The following EXD1 variants were observed in gnomAD, a reference collection of about 807,000 sequenced individuals.
The protein encoded by EXD1 is exonuclease 3'-5' domain containing 1, also known as piRNA biogenesis protein EXD1.
In EXD1, 63 loss-of-function variants were observed where a neutral mutation model predicts 49.1. That is an observed-to-expected ratio of 1.28 (90% CI 1.05 to 1.58). The LOEUF (loss-of-function observed/expected upper bound fraction) is 1.58, where lower values mean the gene tolerates loss of function less well. EXD1 is among the 40% of genes most tolerant of loss of function. The probability of loss-of-function intolerance (pLI) is 0.00; values close to 1 mark genes in which losing one functional copy is unlikely to be tolerated. For synonymous variants in EXD1, 234 were observed against 239.2 expected, an observed-to-expected ratio of 0.98 and a Z score of 0.20; for missense variants, 748 against 666.0, an observed-to-expected ratio of 1.12 and a Z score of -1.36.
intron 9 of EXD1, among the ~76,000 whole-genome samples, chr15:41,194,205 G>T (rs1307251838): frequency 2.6e-5 from 4 of 151,844 alleles, no homozygotes; most frequent in Non-Finnish European, 4.4e-5. Context: ...TAGAGACAGG[G>T]TTTCACCATG....
chr15:41,217,184 A>C (rs765395808), intron 3 of EXD1, 30 bp from the exon 4 acceptor site: 2 of 1,598,940 alleles, frequency 1.3e-6, no homozygotes, highest in Non-Finnish European at 1.7e-6. Flanking sequence ...CTTCCAACAG[A>C]GTTTCCAATC....
rs565156180 is a variant in EXD1, at chr15:41,229,218, C to T, written c.-54+1261G>A. Among the ~76,000 whole-genome samples the T allele has an allele frequency of 6.6e-5, 10 of 152,362 alleles. No individual in the cohort carries two copies. In the South Asian group the frequency reaches 1.7e-3, roughly 25 times the overall value. On this transcript the variant is annotated intron_variant, in intron 1 of 11. Coordinates refer to ENST00000458580, the MANE Select transcript of EXD1 (RefSeq NM_001286441.2). ...TAAGGCCGGGCACGGGGACTCACGCCTGTAATCCCAACACTTTGGGAGGCC... is the reference window on the plus strand; with the variant it reads ...TAAGGCCGGGCACGGGGACTCACGCTTGTAATCCCAACACTTTGGGAGGCC...
chr15:41,209,659 C>A, intron 6 of EXD1, 72 bp from the exon 7 acceptor site: 1 of 1,295,436 alleles, frequency 7.7e-7, no homozygotes, highest in Non-Finnish European at 1.1e-6. Context: ...ATGATTGGCA[C>A]AAATACAATG....
chr15:41,220,142 A>G (rs2047064128), intron 2 of EXD1, among the ~76,000 whole-genome samples: 1 of 152,134 alleles, frequency 6.6e-6, no homozygotes, highest in South Asian at 2.1e-4. Context: ...ACTAAAAAGG[A>G]TAGTACACTG....
At position 41,184,133 on chromosome 15, in the gene EXD1, T is replaced by A; in HGVS notation, c.1517A>T (p.Glu506Val). The A allele has an allele frequency of 6.2e-7, 1 of 1,614,218 alleles. No individual in the cohort carries two copies. The highest frequency in any genetic ancestry group is 2.2e-5 in the East Asian group (1 of 44,888). Residue 506 changes from glutamate (E) to valine (V), a missense_variant, in exon 12 of 12, where the codon GAA becomes GTA. Glu to Val is a moderately radical substitution (Grantham distance 121, BLOSUM62 -2). Coordinates refer to ENST00000458580, the MANE Select transcript of EXD1 (RefSeq NM_001286441.2). Reference protein sequence around the residue: ...QASLSLKEETEQLLMVENKED... With the variant: ...QASLSLKEETVQLLMVENKED... ...CTTGTTTTCCACCATCAATAACTGT[T>A]CTGTCTCCTCTTTCAAAGATAAACT... is the stretch of plus-strand genomic sequence containing the variant.
At chr15:41,219,577 C>A in intron 3 of EXD1, 1 of 361,024 alleles carries the variant, frequency 2.8e-6, no homozygotes, top group South Asian at 7.5e-5. Flanking sequence ...CAATCCCTTC[C>A]TGTTCACATT....
At chr15:41,213,048 T>A (rs183105187) in intron 6 of EXD1, among the ~76,000 whole-genome samples, 24 of 151,130 alleles carry the variant, frequency 1.6e-4, no homozygotes, top group African/African-American at 2.9e-4. Context: ...CTCAAAAAAA[T>A]TTTTTTTAAT....
Position 41,206,954 on chromosome 15 carries a change from T to TA in EXD1, c.534+2546dup, listed in dbSNP as rs1566985525. On this transcript the variant is annotated intron_variant, in intron 7 of 11. Coordinates refer to ENST00000458580, the MANE Select transcript of EXD1 (RefSeq NM_001286441.2). ...CTTTTTTTTTTTTTTTTTTTTTTTT[T>TA]AAGTAGTGCCTCTGCGCCAGGTGTG... Among the ~76,000 whole-genome samples the TA allele has an allele frequency of 1.2e-4, 10 of 83,400 alleles. 1 individual carries two copies. Among genetic ancestry groups the TA allele is most frequent in the Non-Finnish European group, 2.0e-4 (8 of 39,318 alleles). 54.7% of individuals were successfully genotyped at this position (83,400 alleles called of 152,430 possible). A position where few individuals can be genotyped will look rare whatever the true frequency, so the allele number is the denominator to read the frequency against.
At chr15:41,225,163 T>A (rs2047142337) in intron 2 of EXD1, among the ~76,000 whole-genome samples, 1 of 152,204 alleles carries the variant, frequency 6.6e-6, no homozygotes, top group Non-Finnish European at 1.5e-5. Flanking sequence ...ATTGCACTGT[T>A]CTTCAGCTGC....
At chr15:41,190,229 C>G in intron 10 of EXD1, 101 bp from the exon 11 acceptor site, 9 of 1,234,304 alleles carry the variant, frequency 7.3e-6, no homozygotes, top group African/African-American at 1.5e-5. Context: ...AATCCCAGCA[C>G]TCTGGGAGGC....
chr15:41,195,649 C>G, intron 9 of EXD1, 126 bp downstream of exon 9: 1 of 531,022 alleles, frequency 1.9e-6, no homozygotes, highest in Non-Finnish European at 3.0e-6. Context: ...GAAAAGTGAG[C>G]AGAAATGGAG....
chr15:41,199,882 A>G (rs2046700997), intron 7 of EXD1, among the ~76,000 whole-genome samples: 1 of 144,826 alleles, frequency 6.9e-6, no homozygotes, highest in African/African-American at 2.5e-5. Context: ...TATATCATAT[A>G]TATATGATAT....
At chr15:41,197,055 G>A (rs1415341112) in intron 7 of EXD1, among the ~76,000 whole-genome samples, 1 of 151,610 alleles carries the variant, frequency 6.6e-6, no homozygotes. Flanking sequence ...AAACTCCTAG[G>A]CTAAAGCAAT....
intron 7 of EXD1, among the ~76,000 whole-genome samples, chr15:41,196,846 G>T (rs1274300223): frequency 6.6e-6 from 1 of 151,768 alleles, no homozygotes; most frequent in African/African-American, 2.4e-5. Flanking sequence ...TTTTTTTTGA[G>T]ACAGGGCCTT....
chr15:41,204,139 T>C (rs2046781092), intron 7 of EXD1, among the ~76,000 whole-genome samples: 1 of 149,546 alleles, frequency 6.7e-6, no homozygotes, highest in African/African-American at 2.5e-5. Flanking sequence ...TCCCAGCTAC[T>C]CGGGAGGCTG....
At chr15:41,184,655 T>C in intron 11 of EXD1, 62 bp from the exon 12 acceptor site, 1 of 1,309,558 alleles carries the variant, frequency 7.6e-7, no homozygotes. Flanking sequence ...GTACTTAAAA[T>C]CACTTTTTTT....
At chr15:41,204,225 G>A (rs2140863986) in intron 7 of EXD1, among the ~76,000 whole-genome samples, 1 of 141,992 alleles carries the variant, frequency 7.0e-6, no homozygotes, top group Middle Eastern at 4.4e-3. Flanking sequence ...CCCAGCCTGG[G>A]CGACACAGCA....
In EXD1 at chr15:41,199,755, G is replaced by A. The variant is rs1404043797; in HGVS notation, c.535-3718C>T. ...GATATATATGTCATATATTATATAT[G>A]ATACATATATGATATATATGTCATA... On this transcript the variant is annotated intron_variant, in intron 7 of 11. Transcript: ENST00000458580. Among the ~76,000 whole-genome samples, 12 of 8,938 alleles carry A rather than the reference G, an allele frequency of 1.3e-3. 2 individuals carry two copies. Among genetic ancestry groups the A allele is most frequent in the South Asian group, 9.6e-3 (2 of 208 alleles). The allele number at this position is 8,938 out of a possible 152,430, so 5.9% of individuals were successfully genotyped here.
At position 41,209,552 on chromosome 15, in the gene EXD1, C is replaced by G. The variant is rs1183816700; in HGVS notation, c.483G>C (p.Val161=). The G allele has an allele frequency of 1.2e-6, 2 of 1,614,172 alleles. No homozygotes were observed. The highest frequency in any genetic ancestry group is 1.7e-6 in the Non-Finnish European group (2 of 1,180,014). The change falls in exon 7 of 12, where the codon GTG becomes GTC. Residue 161 remains valine (V), a synonymous_variant. Transcript: ENST00000458580. ...GACATACATTCGCTCCTTCTGCTGC[C>G]ACACTCAGGACATTCTGCTTCTTGA... ...LHIKKQNVLS[V]AAEGANVCRH...
Sources: allele counts gnomAD v4.1 joint callset (sites outside exome capture counted in the v4.1 genomes callset), GRCh38; gene constraint gnomAD v4.1.1; transcripts MANE v1.5; gene names NCBI Gene and HGNC (gene_info 2026-07-23, HGNC 2026-07-21).